The following PPARGC1A variants were observed in gnomAD, a reference collection of about 807,000 sequenced individuals.
PPARGC1A encodes the protein peroxisome proliferator-activated receptor gamma coactivator 1-alpha.
PPARGC1A carries 25 observed loss-of-function variants against 88.7 expected under a neutral mutation model. The observed-to-expected ratio is 0.28, with a 90% CI of 0.21 to 0.39. The LOEUF (loss-of-function observed/expected upper bound fraction) is 0.39, where lower values mean the gene tolerates loss of function less well. PPARGC1A is among the 10% of genes least tolerant of loss of function. PPARGC1A has a pLI of 1.00. For synonymous variants in PPARGC1A, 363 were observed against 355.6 expected, an observed-to-expected ratio of 1.02 and a Z score of -0.24; for missense variants, 880 against 968.7, an observed-to-expected ratio of 0.91 and a Z score of 1.22.
chr4:23,900,963 G>T (rs1207780207), upstream of PPARGC1A, among the ~76,000 whole-genome samples: 1 of 152,182 alleles, frequency 6.6e-6, no homozygotes, highest in Non-Finnish European at 1.5e-5. Context: ...GGTGGCTCAC[G>T]CCTGTAATCC....
chr4:24,173,718 C>T, the PPARGC1A span, among the ~76,000 whole-genome samples: 1 of 152,236 alleles, frequency 6.6e-6, no homozygotes, highest in Non-Finnish European at 1.5e-5. Context: ...ACTACAGCAG[C>T]TCAGTAATCT....
Position 23,801,900 on chromosome 4 carries a change from A to T in PPARGC1A, c.2142-19T>A. ...GCTGTCTCTGCAACGGACAAAGAAA[A>T]GTTCAAAGCTGGTTAAGAAGTATTA... On this transcript the variant is annotated intron_variant, in intron 11 of 12. Coordinates refer to ENST00000264867, the MANE Select transcript of PPARGC1A (RefSeq NM_013261.5). The T allele has an allele frequency of 6.2e-7, 1 of 1,613,448 alleles. No individual in the cohort carries two copies. Among genetic ancestry groups the T allele is most frequent in the South Asian group, 1.1e-5 (1 of 91,040 alleles).
chr4:24,229,152 C>CTTTTTTTTTGTTTTTTTTTT, the PPARGC1A span, among the ~76,000 whole-genome samples: 1 of 60,894 alleles, frequency 1.6e-5, no homozygotes. Context: ...GTATCTGGAC[C>CTTTTTTTTTGTTTTTTTTTT]TTTTTTTTTT....
At chr4:24,095,764 A>G in the PPARGC1A span, among the ~76,000 whole-genome samples, 1 of 152,162 alleles carries the variant, frequency 6.6e-6, no homozygotes, top group Non-Finnish European at 1.5e-5. Flanking sequence ...GGCAGGTCCA[A>G]TTGTCTGGTG....
At chr4:23,931,954 AC>A in the PPARGC1A span, among the ~76,000 whole-genome samples, 3 of 152,152 alleles carry the variant, frequency 2.0e-5, no homozygotes, top group African/African-American at 2.4e-5. Context: ...GGATAATGAT[AC>A]CCCATTGTCA....
At chr4:24,432,791 T>C in the PPARGC1A span, among the ~76,000 whole-genome samples, 1 of 152,170 alleles carries the variant, frequency 6.6e-6, no homozygotes, top group Non-Finnish European at 1.5e-5. Context: ...AATCAGATAA[T>C]TGATTTGAAT....
In PPARGC1A at chr4:23,792,760, C is replaced by T. The variant is rs1434157550; in HGVS notation, c.*3062G>A. The stretch of plus-strand genomic sequence containing the variant: ...TTGCCTCCAGTGATGATGGGGTGCA[C>T]GTGTTCATTTGAAATATTCTCTCCC... On this transcript the variant is annotated 3_prime_UTR_variant, in exon 13 of 13. Transcript: ENST00000264867. The T allele has an allele frequency of 3.3e-5, 5 of 152,234 alleles. No homozygotes were observed. The highest frequency in any genetic ancestry group is 7.3e-5 in the African/African-American group (3 of 41,320). 9.4% of individuals were successfully genotyped at this position (152,234 alleles called of 1,614,324 possible).
chr4:24,218,151 A>G, the PPARGC1A span, among the ~76,000 whole-genome samples: 1 of 152,264 alleles, frequency 6.6e-6, no homozygotes, highest in East Asian at 1.9e-4. Flanking sequence ...GAATTTACCC[A>G]GAGACCTGTT....
chr4:24,333,847 T>C, the PPARGC1A span, among the ~76,000 whole-genome samples: 1 of 135,494 alleles, frequency 7.4e-6, no homozygotes, highest in Non-Finnish European at 1.5e-5. Flanking sequence ...GGCAGGAGAA[T>C]CTCTTAAACC....
the PPARGC1A span, among the ~76,000 whole-genome samples, chr4:24,325,593 TCACC>T: frequency 6.6e-6 from 1 of 152,100 alleles, no homozygotes; most frequent in African/African-American, 2.4e-5. Context: ...ACTGTTCAAC[TCACC>T]TGGCAGCCAC....
chr4:23,994,521 C>T, the PPARGC1A span, among the ~76,000 whole-genome samples: 1 of 152,060 alleles, frequency 6.6e-6, no homozygotes, highest in Non-Finnish European at 1.5e-5. Flanking sequence ...GAGAAGAGCA[C>T]ACAACTAATA....
the PPARGC1A span, among the ~76,000 whole-genome samples, chr4:24,039,291 C>T: frequency 6.6e-6 from 1 of 152,146 alleles, no homozygotes; most frequent in Non-Finnish European, 1.5e-5. Flanking sequence ...GATTCAATTA[C>T]ACCACCGAGT....
At chr4:24,081,321 G>A in the PPARGC1A span, among the ~76,000 whole-genome samples, 1 of 152,100 alleles carries the variant, frequency 6.6e-6, no homozygotes, top group East Asian at 1.9e-4. Context: ...GGTGATTTGT[G>A]CTATTTAAGG....
chr4:24,336,850 G>T, the PPARGC1A span, among the ~76,000 whole-genome samples: 3 of 152,078 alleles, frequency 2.0e-5, no homozygotes, highest in African/African-American at 7.2e-5. Context: ...ACTGCTTGAG[G>T]CCAAGAGTTG....
chr4:24,222,899 A>G, the PPARGC1A span, among the ~76,000 whole-genome samples: 1 of 152,174 alleles, frequency 6.6e-6, no homozygotes, highest in African/African-American at 2.4e-5. Flanking sequence ...CCACCTCCCA[A>G]ATAATCAAAA....
At chr4:24,320,477 T>A in the PPARGC1A span, among the ~76,000 whole-genome samples, 1 of 152,190 alleles carries the variant, frequency 6.6e-6, no homozygotes, top group Non-Finnish European at 1.5e-5. Flanking sequence ...CTTCTCTTAC[T>A]CCCCCTTTTC....
At position 23,813,080 on chromosome 4, in the gene PPARGC1A, G is replaced by A; in HGVS notation, c.1839C>T (p.His613=). The A allele has an allele frequency of 6.2e-7, 1 of 1,614,086 alleles. No individual in the cohort carries two copies. The highest frequency in any genetic ancestry group is 8.5e-7 in the Non-Finnish European group (1 of 1,179,980). Residue 613 remains histidine, a synonymous_variant, in exon 9 of 13, where the codon CAC becomes CAT. Coordinates refer to ENST00000264867, the MANE Select transcript of PPARGC1A (RefSeq NM_013261.5). ...ATCTCACATACAAGGGAGAATTTCG[G>A]TGCGTGCGGTGTCTGTAGTGGCTTG... ...YESSHYRHRT[H]RNSPLYVRSR...
chr4:24,303,763 T>C, the PPARGC1A span, among the ~76,000 whole-genome samples: 14 of 152,324 alleles, frequency 9.2e-5, no homozygotes, highest in African/African-American at 3.4e-4. Context: ...TCTGGTCTAA[T>C]AAACAGTGTT....
the PPARGC1A span, among the ~76,000 whole-genome samples, chr4:24,405,135 T>C: frequency 6.6e-6 from 1 of 152,024 alleles, no homozygotes; most frequent in African/African-American, 2.4e-5. Context: ...AAAAATAAAA[T>C]AAAAATAAAA....
Sources: allele counts gnomAD v4.1 joint callset (sites outside exome capture counted in the v4.1 genomes callset), GRCh38; gene constraint gnomAD v4.1.1; transcripts MANE v1.5; gene names NCBI Gene and HGNC (gene_info 2026-07-23, HGNC 2026-07-21).